SRPK1: variants seen among roughly 807,000 people sequenced by gnomAD.
SRPK1 encodes the protein SRSF protein kinase 1.
In SRPK1, 52 loss-of-function variants were observed where a neutral mutation model predicts 89.5. The ratio of observed to expected loss-of-function variants is 0.58; its 90% CI spans 0.46 to 0.73. SRPK1 has a LOEUF of 0.73. Among genes scored for constraint, SRPK1 ranks in the 30% least tolerant of loss-of-function variants. The pLI is 0.00. For synonymous variants in SRPK1, 255 were observed against 270.2 expected (o/e 0.94, Z 0.55); for missense variants, 603 against 780.6 (o/e 0.77, Z 2.71).
chr6:35,837,996 G>T lies in SRPK1; in HGVS notation c.1783+341C>A, dbSNP rs548767240. Among the ~76,000 whole-genome samples the T allele has an allele frequency of 7.7e-4, 117 of 151,670 alleles. 1 individual carries two copies. Among genetic ancestry groups the T allele is most frequent in the African/African-American group, 2.7e-3 (110 of 41,304 alleles). On this transcript the variant is annotated intron_variant, in intron 15 of 15. Transcript: ENST00000373825. Reference sequence around the variant, plus strand: ...TGATTCTCCTGTCTCAGCCTCCTGAGTAGCTGGGATTACAGGCGCCCGCCA... The same window carrying T: ...TGATTCTCCTGTCTCAGCCTCCTGATTAGCTGGGATTACAGGCGCCCGCCA...
chr6:35,850,005 A>G lies in SRPK1; in HGVS notation c.1620+7256T>C, dbSNP rs911967307. ...CTCTCACTTATATGTGAAATCTAAA[A>G]CAATTTAACTCATAGAAGCAGAGAG... On this transcript the variant is annotated intron_variant, in intron 13 of 15. Coordinates refer to ENST00000373825, the MANE Select transcript of SRPK1 (RefSeq NM_003137.5). Among the ~76,000 whole-genome samples, 6 of 152,206 alleles carry G rather than the reference A, an allele frequency of 3.9e-5. No individual in the cohort carries two copies. In the East Asian group the frequency reaches 1.2e-3, roughly 29 times the overall value.
chr6:35,911,291 G>A (rs1001421790), intron 2 of SRPK1, among the ~76,000 whole-genome samples: 2 of 152,180 alleles, frequency 1.3e-5, no homozygotes, highest in African/African-American at 4.8e-5. Flanking sequence ...CTTCTGTGGA[G>A]GAAGTAACTA....
At chr6:35,911,689 C>T (rs1018004817) in intron 2 of SRPK1, among the ~76,000 whole-genome samples, 11 of 151,950 alleles carry the variant, frequency 7.2e-5, no homozygotes, top group East Asian at 3.9e-4. Flanking sequence ...TCTCGGCCTC[C>T]GAAGTAGCTA....
Position 35,880,078 on chromosome 6 carries a change from A to G in SRPK1, c.479-5739T>C, listed in dbSNP as rs1770239732. Among the ~76,000 whole-genome samples, 7 of 147,062 alleles carry G rather than the reference A, an allele frequency of 4.8e-5. No individual in the cohort carries two copies. In the South Asian group the frequency reaches 1.5e-3, roughly 31 times the overall value. Reference sequence around the variant, plus strand: ...TGACAGAGCAAGACCTTGTCTCAGAAAAAAAAAAAAAAAAGCTCAAAGAAC... The same window carrying G: ...TGACAGAGCAAGACCTTGTCTCAGAGAAAAAAAAAAAAAAGCTCAAAGAAC... On this transcript the variant is annotated intron_variant, in intron 6 of 15. Transcript: ENST00000373825.
chr6:35,847,588 C>A (rs1769453069), intron 13 of SRPK1, among the ~76,000 whole-genome samples: 1 of 151,954 alleles, frequency 6.6e-6, no homozygotes. Flanking sequence ...AGTAAAGTTG[C>A]AGGATACAAA....
At chr6:35,854,168 C>G (rs1769618075) in intron 13 of SRPK1, among the ~76,000 whole-genome samples, 1 of 152,104 alleles carries the variant, frequency 6.6e-6, no homozygotes, top group Non-Finnish European at 1.5e-5. Flanking sequence ...CTAGGCTAGT[C>G]TCGAACTCCT....
At chr6:35,916,864 C>T (rs531636929) in intron 2 of SRPK1, among the ~76,000 whole-genome samples, 1 of 152,210 alleles carries the variant, frequency 6.6e-6, no homozygotes, top group Non-Finnish European at 1.5e-5. Context: ...TGAGACCAGC[C>T]TGGCCAACAT....
chr6:35,859,124 T>C (rs1769723530), intron 12 of SRPK1, among the ~76,000 whole-genome samples: 2 of 152,158 alleles, frequency 1.3e-5, no homozygotes, highest in African/African-American at 4.8e-5. Context: ...ATAAACATGG[T>C]ATGATCATGT....
At chr6:35,881,251 T>C (rs548806449) in intron 6 of SRPK1, among the ~76,000 whole-genome samples, 6 of 152,164 alleles carry the variant, frequency 3.9e-5, no homozygotes, top group Admixed American at 6.5e-5. Flanking sequence ...GGCATCCATA[T>C]GAAGAAATAA....
intron 12 of SRPK1, among the ~76,000 whole-genome samples, chr6:35,860,039 T>C (rs1477109251): frequency 2.6e-5 from 4 of 151,834 alleles, no homozygotes; most frequent in African/African-American, 4.8e-5. Flanking sequence ...TTTTTTTTTG[T>C]ATTTTTAGTA....
At chr6:35,865,897 C>G (rs1377452244) in intron 12 of SRPK1, among the ~76,000 whole-genome samples, 1 of 151,716 alleles carries the variant, frequency 6.6e-6, no homozygotes, top group Non-Finnish European at 1.5e-5. Flanking sequence ...AGCTTCTGCA[C>G]AGCAAAAGAA....
intron 9 of SRPK1, 82 bp from the exon 10 acceptor site, chr6:35,870,576 ACTTCC>A: frequency 7.9e-7 from 1 of 1,262,712 alleles, no homozygotes; most frequent in Non-Finnish European, 1.1e-6. Context: ...AACTTTAATT[ACTTCC>A]TAATTAAATT....
chr6:35,843,406 A>G (rs1306605456), intron 13 of SRPK1, among the ~76,000 whole-genome samples: 2 of 151,772 alleles, frequency 1.3e-5, no homozygotes, highest in African/African-American at 4.8e-5. Context: ...TAACTTTTGC[A>G]TAGGAAGTAC....
At chr6:35,872,505 A>C (rs557443530) in intron 8 of SRPK1, 58 bp downstream of exon 8, 1 of 1,460,264 alleles carries the variant, frequency 6.8e-7, no homozygotes, top group African/African-American at 1.5e-5. Context: ...TAACAGAATA[A>C]AAATAGAAAT....
At chr6:35,880,727 A>AG (rs1486120984) in intron 6 of SRPK1, among the ~76,000 whole-genome samples, 3 of 56,768 alleles carry the variant, frequency 5.3e-5, no homozygotes, top group African/African-American at 2.3e-4. Context: ...CTCAAAAAAA[A>AG]AAAAAAAGAA....
chr6:35,906,073 C>T (rs1180473663), intron 2 of SRPK1, among the ~76,000 whole-genome samples: 1 of 151,626 alleles, frequency 6.6e-6, no homozygotes, highest in African/African-American at 2.4e-5. Flanking sequence ...CAAGATAAGC[C>T]TTAGACATAC....
intron 2 of SRPK1, among the ~76,000 whole-genome samples, chr6:35,893,697 G>T (rs1770568872): frequency 6.6e-6 from 1 of 152,120 alleles, no homozygotes; most frequent in Admixed American, 6.5e-5. Context: ...GGCATTCAGT[G>T]GGACCAAACA....
chr6:35,898,226 T>C (rs1770662887), intron 2 of SRPK1, among the ~76,000 whole-genome samples: 2 of 152,138 alleles, frequency 1.3e-5, no homozygotes, highest in South Asian at 4.1e-4. Flanking sequence ...TGCAGCAACT[T>C]GGATGGAGCT....
intron 13 of SRPK1, among the ~76,000 whole-genome samples, chr6:35,855,018 T>C (rs1401911056): frequency 4.6e-5 from 7 of 152,086 alleles, no homozygotes; most frequent in South Asian, 2.1e-4. Flanking sequence ...ACCAATGATA[T>C]GGGCCCAGCG....
Sources: allele counts gnomAD v4.1 joint callset (sites outside exome capture counted in the v4.1 genomes callset), GRCh38; gene constraint gnomAD v4.1.1; transcripts MANE v1.5; gene names NCBI Gene and HGNC (gene_info 2026-07-23, HGNC 2026-07-21).